Variants in STXBP5L observed in about 807,000 individuals in gnomAD.
STXBP5L encodes the protein syntaxin binding protein 5L, also known as syntaxin-binding protein 5-like.
Under a neutral mutation model 144.5 loss-of-function variants are expected in STXBP5L, and 65 were observed. The observed-to-expected ratio is 0.45, with a 90% CI of 0.37 to 0.55. The LOEUF (loss-of-function observed/expected upper bound fraction) is 0.55. Among genes scored for constraint, STXBP5L ranks in the 20% least tolerant of loss-of-function variants. The probability of loss-of-function intolerance (pLI) is 0.00; values close to 1 mark genes in which losing one functional copy is unlikely to be tolerated. For synonymous variants in STXBP5L, 505 were observed against 469.6 expected, an observed-to-expected ratio of 1.08 and a Z score of -0.97; for missense variants, 1,298 against 1,405.5, an observed-to-expected ratio of 0.92 and a Z score of 1.22.
intron 5 of STXBP5L, among the ~76,000 whole-genome samples, chr3:121,056,707 C>T (rs1352502222): frequency 6.6e-6 from 1 of 152,106 alleles, no homozygotes. Context: ...CCCCTGGACA[C>T]TTACTTACTT....
At chr3:121,375,979 C>T (rs1176316657) in intron 20 of STXBP5L, among the ~76,000 whole-genome samples, 1 of 152,086 alleles carries the variant, frequency 6.6e-6, no homozygotes, top group African/African-American at 2.4e-5. Flanking sequence ...TAATGCATTG[C>T]CAAGTTTTTA....
At chr3:121,335,002 G>C (rs761576194) in intron 20 of STXBP5L, among the ~76,000 whole-genome samples, 1 of 152,162 alleles carries the variant, frequency 6.6e-6, no homozygotes, top group Non-Finnish European at 1.5e-5. Flanking sequence ...AACAAGAAGA[G>C]AGAAAGTCAA....
At chr3:121,094,262 G>C (rs2107749152) in intron 5 of STXBP5L, among the ~76,000 whole-genome samples, 1 of 152,274 alleles carries the variant, frequency 6.6e-6, no homozygotes, top group South Asian at 2.1e-4. Flanking sequence ...ATTTGGGGTG[G>C]AGAGTTCTGT....
At chr3:121,056,972 A>G (rs1427817119) in intron 5 of STXBP5L, among the ~76,000 whole-genome samples, 1 of 150,518 alleles carries the variant, frequency 6.6e-6, no homozygotes, top group African/African-American at 2.4e-5. Flanking sequence ...AAAAAGCGAG[A>G]CAAAATATAC....
At chr3:121,026,259 A>G (rs1374104144) in intron 3 of STXBP5L, among the ~76,000 whole-genome samples, 4 of 151,782 alleles carry the variant, frequency 2.6e-5, no homozygotes, top group Admixed American at 1.3e-4. Context: ...GTTAATTCAC[A>G]ATTAAATGTC....
Position 120,968,316 on chromosome 3 carries a change from A to G in STXBP5L, c.287+13279A>G, listed in dbSNP as rs1019614750. Among the ~76,000 whole-genome samples, 5 of 152,062 alleles carry G rather than the reference A, an allele frequency of 3.3e-5. No individual in the cohort carries two copies. The East Asian group carries it at 7.7e-4, about 23-fold the overall frequency. ...CTGCATATATCTTTATAACTGTAAT[A>G]TCCTGTTATTGTATTGACCCCTTCA... On this transcript the variant is annotated intron_variant, in intron 3 of 26. Coordinates refer to ENST00000471454, the MANE Select transcript of STXBP5L (RefSeq NM_001308330.2).
chr3:121,069,880 T>C (rs1318663790), intron 5 of STXBP5L, among the ~76,000 whole-genome samples: 2 of 152,212 alleles, frequency 1.3e-5, no homozygotes, highest in Non-Finnish European at 2.9e-5. Context: ...GCTCTTGCAC[T>C]TTTGTCGAAA....
chr3:121,376,458 C>T (rs551411504), intron 20 of STXBP5L, among the ~76,000 whole-genome samples: 8 of 152,154 alleles, frequency 5.3e-5, no homozygotes, highest in South Asian at 4.1e-4. Context: ...TACGGCTAGC[C>T]GGTTTTCCCA....
intron 19 of STXBP5L, among the ~76,000 whole-genome samples, chr3:121,287,264 A>G (rs1171576078): frequency 2.6e-5 from 4 of 152,226 alleles, no homozygotes; most frequent in African/African-American, 9.6e-5. Flanking sequence ...AATAAAAGTT[A>G]TCTAGATTTG....
At chr3:121,052,644 G>A (rs1349787301) in intron 5 of STXBP5L, among the ~76,000 whole-genome samples, 1 of 152,128 alleles carries the variant, frequency 6.6e-6, no homozygotes, top group African/African-American at 2.4e-5. Context: ...ATATCATATT[G>A]AATGGGCAAA....
In STXBP5L at chr3:121,420,144, T is replaced by C. The variant is rs1659159389; in HGVS notation, c.*1047T>C. On this transcript the variant is annotated 3_prime_UTR_variant, in exon 27 of 27. Transcript: ENST00000471454. ...TGACATTCACAAACCAAACTGGTCATTCTCTTTAGTGTGATTCAGTAAAAT... is the reference window on the plus strand; with the variant it reads ...TGACATTCACAAACCAAACTGGTCACTCTCTTTAGTGTGATTCAGTAAAAT... 1 of 152,222 alleles carries C rather than the reference T, an allele frequency of 6.6e-6. No homozygotes were observed. The allele number at this position is 152,222 out of a possible 1,614,324, so 9.4% of individuals were successfully genotyped here.
intron 13 of STXBP5L, among the ~76,000 whole-genome samples, chr3:121,240,211 A>G (rs770273626): frequency 6.6e-5 from 10 of 152,154 alleles, no homozygotes; most frequent in Non-Finnish European, 1.2e-4. Context: ...ATTTGTTTAT[A>G]TAAATGGTAA....
intron 19 of STXBP5L, among the ~76,000 whole-genome samples, chr3:121,308,276 A>T (rs947316354): frequency 5.9e-5 from 9 of 152,356 alleles, no homozygotes; most frequent in African/African-American, 1.7e-4. Context: ...TTAAATTTTT[A>T]AAAAAACCTC....
chr3:120,909,512 G>A, intron 1 of STXBP5L, 59 bp from the exon 2 acceptor site: 1 of 1,445,576 alleles, frequency 6.9e-7, no homozygotes, highest in African/African-American at 1.4e-5. Flanking sequence ...TTTTACCAAG[G>A]TCTAATTGCA....
At chr3:121,049,891 A>G (rs908180960) in intron 5 of STXBP5L, among the ~76,000 whole-genome samples, 6 of 152,196 alleles carry the variant, frequency 3.9e-5, no homozygotes, top group Middle Eastern at 6.8e-3. Context: ...AACTCTTTGC[A>G]TGTTTGTCTG....
At chr3:121,037,773 A>G (rs1413043153) in intron 3 of STXBP5L, among the ~76,000 whole-genome samples, 2 of 152,010 alleles carry the variant, frequency 1.3e-5, no homozygotes, top group East Asian at 3.8e-4. Flanking sequence ...ATTTTATTTT[A>G]TAAGTAATGG....
intron 3 of STXBP5L, among the ~76,000 whole-genome samples, chr3:121,006,113 C>T (rs551341493): frequency 6.6e-6 from 1 of 152,066 alleles, no homozygotes; most frequent in African/African-American, 2.4e-5. Context: ...TCCTTGTTAA[C>T]TTTCTGTCTC....
chr3:120,929,159 G>A (rs1709790209), intron 2 of STXBP5L, among the ~76,000 whole-genome samples: 1 of 152,188 alleles, frequency 6.6e-6, no homozygotes, highest in Admixed American at 6.5e-5. Context: ...TGTTGTGAAT[G>A]AGGGAGCTGC....
Position 121,115,031 on chromosome 3 carries a change from G to A in STXBP5L, c.577G>A (p.Val193Ile), listed in dbSNP as rs2107828260. Reference protein sequence around the residue: ...NIESFILSGYVIMWNKAIELS... With the variant: ...NIESFILSGYIIMWNKAIELS... ...TGAATCTTTCATTCTTTCTGGATAT[G>A]TTATCATGTGGAACAAGGCAATTGA... Residue 193 changes from valine to isoleucine, a missense_variant, in exon 6 of 27, where the codon GTT (valine) becomes ATT (isoleucine). Physicochemically the swap from Val to Ile is conservative, Grantham distance 29. Transcript: ENST00000471454. 1 of 1,601,530 alleles carries A rather than the reference G, an allele frequency of 6.2e-7. No individual in the cohort carries two copies. Among genetic ancestry groups the A allele is most frequent in the Non-Finnish European group, 8.5e-7 (1 of 1,176,016 alleles).
Sources: allele counts gnomAD v4.1 joint callset (sites outside exome capture counted in the v4.1 genomes callset), GRCh38; gene constraint gnomAD v4.1.1; transcripts MANE v1.5; gene names NCBI Gene and HGNC (gene_info 2026-07-23, HGNC 2026-07-21).